The following FHIT variants were observed in gnomAD, a reference collection of about 807,000 sequenced individuals.
FHIT encodes fragile histidine triad diadenosine triphosphatase, also known as bis(5'-adenosyl)-triphosphatase.
In FHIT, 19 loss-of-function variants were observed where a neutral mutation model predicts 17.9. The observed-to-expected ratio is 1.06, with a 90% CI of 0.74 to 1.56. The LOEUF is 1.56. Ranked by LOEUF, FHIT falls within the 40% of genes most tolerant of loss-of-function variation. FHIT has a pLI of 0.00. For synonymous variants in FHIT, 81 were observed against 69.7 expected (o/e 1.16, Z -0.81); for missense variants, 248 against 189.2 (o/e 1.31, Z -1.82).
At chr3:60,847,106 G>A (rs1307740823) in intron 3 of FHIT, among the ~76,000 whole-genome samples, 2 of 152,210 alleles carry the variant, frequency 1.3e-5, no homozygotes, top group Non-Finnish European at 2.9e-5. Context: ...TTAAAGGCAT[G>A]AGCCAATGAG....
At chr3:60,560,149 G>T (rs184550946) in intron 4 of FHIT, among the ~76,000 whole-genome samples, 1 of 152,112 alleles carries the variant, frequency 6.6e-6, no homozygotes, top group East Asian at 1.9e-4. Flanking sequence ...TTCCATTTGG[G>T]GGCAATTTTC....
chr3:60,645,231 A>G (rs1240017772), intron 4 of FHIT, among the ~76,000 whole-genome samples: 2 of 152,082 alleles, frequency 1.3e-5, no homozygotes, highest in Non-Finnish European at 2.9e-5. Flanking sequence ...AAACACACAC[A>G]TCTCATGCCT....
intron 8 of FHIT, among the ~76,000 whole-genome samples, chr3:59,914,046 A>G (rs34226567): frequency 6.6e-6 from 1 of 152,258 alleles, no homozygotes; most frequent in East Asian, 1.9e-4. Context: ...AATCTAATGC[A>G]TGATACATAT....
At chr3:60,302,879 C>A (rs1357508648) in intron 5 of FHIT, among the ~76,000 whole-genome samples, 1 of 152,162 alleles carries the variant, frequency 6.6e-6, no homozygotes, top group Non-Finnish European at 1.5e-5. Context: ...GTATCTTAGA[C>A]AAGACTGCCT....
intron 4 of FHIT, among the ~76,000 whole-genome samples, chr3:60,747,186 A>C (rs534107269): frequency 5.9e-5 from 9 of 151,746 alleles, no homozygotes; most frequent in African/African-American, 2.2e-4. Flanking sequence ...CTCTGCACTG[A>C]ATGCCCTTCC....
intron 5 of FHIT, among the ~76,000 whole-genome samples, chr3:60,032,906 C>A (rs1215164700): frequency 6.6e-6 from 1 of 152,044 alleles, no homozygotes; most frequent in African/African-American, 2.4e-5. Flanking sequence ...TGGAGCCCAC[C>A]TTAGAGCTAA....
At chr3:60,793,614 G>T (rs781841691) in intron 4 of FHIT, among the ~76,000 whole-genome samples, 5 of 152,152 alleles carry the variant, frequency 3.3e-5, no homozygotes, top group Non-Finnish European at 7.4e-5. Context: ...AACAAGCGGG[G>T]GTTTCTTAAG....
intron 2 of FHIT, among the ~76,000 whole-genome samples, chr3:61,117,718 G>A (rs2036341081): frequency 6.6e-6 from 1 of 152,176 alleles, no homozygotes; most frequent in Non-Finnish European, 1.5e-5. Flanking sequence ...GACCTAGCTA[G>A]AGTAGATCAT....
At chr3:61,162,224 T>G (rs1350004441) in intron 2 of FHIT, among the ~76,000 whole-genome samples, 3 of 152,198 alleles carry the variant, frequency 2.0e-5, no homozygotes, top group African/African-American at 7.2e-5. Flanking sequence ...ACACCTCACC[T>G]TGGCAAACCA....
chr3:59,935,276 C>G (rs576717292), intron 7 of FHIT, among the ~76,000 whole-genome samples: 1 of 152,190 alleles, frequency 6.6e-6, no homozygotes, highest in Non-Finnish European at 1.5e-5. Flanking sequence ...TTGTGCTTCT[C>G]AGCTGTTGTT....
intron 5 of FHIT, among the ~76,000 whole-genome samples, chr3:60,217,040 T>C (rs576872283): frequency 6.6e-6 from 1 of 152,308 alleles, no homozygotes; most frequent in South Asian, 2.1e-4. Context: ...GCTACACAAA[T>C]ACTAGTTCAA....
chr3:60,531,353 A>G (rs2035775956), intron 5 of FHIT, among the ~76,000 whole-genome samples: 1 of 137,592 alleles, frequency 7.3e-6, no homozygotes, highest in South Asian at 2.2e-4. Context: ...ATCTAGGCTC[A>G]CTGCAAGCTC....
chr3:60,339,472 C>T (rs989580388), intron 5 of FHIT, among the ~76,000 whole-genome samples: 1 of 152,220 alleles, frequency 6.6e-6, no homozygotes, highest in Non-Finnish European at 1.5e-5. Context: ...TATGCTCACA[C>T]TTTGCTCAGC....
chr3:60,751,956 T>C (rs986590136), intron 4 of FHIT, among the ~76,000 whole-genome samples: 3 of 152,212 alleles, frequency 2.0e-5, no homozygotes, highest in Admixed American at 2.0e-4. Flanking sequence ...AAGATGTAGA[T>C]GTATATTTAT....
chr3:59,994,347 A>G (rs907789508), intron 7 of FHIT, among the ~76,000 whole-genome samples: 2 of 152,094 alleles, frequency 1.3e-5, no homozygotes, highest in African/African-American at 4.8e-5. Flanking sequence ...CTCTGTCAGC[A>G]ATACTCAATC....
At chr3:60,538,447 G>A (rs1455972534) in intron 4 of FHIT, among the ~76,000 whole-genome samples, 1 of 152,082 alleles carries the variant, frequency 6.6e-6, no homozygotes, top group African/African-American at 2.4e-5. Context: ...CTACTCTAAA[G>A]TTCATATGGA....
At chr3:60,801,844 G>A (rs928794177) in intron 4 of FHIT, among the ~76,000 whole-genome samples, 13 of 152,194 alleles carry the variant, frequency 8.5e-5, no homozygotes, top group African/African-American at 3.1e-4. Context: ...TAATATGTGT[G>A]TAGCACAAAG....
intron 5 of FHIT, among the ~76,000 whole-genome samples, chr3:60,132,806 T>G (rs902988545): frequency 1.3e-5 from 2 of 152,130 alleles, no homozygotes; most frequent in Non-Finnish European, 2.9e-5. Flanking sequence ...CAGAGAATAA[T>G]CCACCATAAT....
intron 4 of FHIT, among the ~76,000 whole-genome samples, chr3:60,801,826 G>A (rs1482213544): frequency 3.9e-5 from 6 of 152,304 alleles, no homozygotes; most frequent in African/African-American, 1.4e-4. Context: ...ACATACTGGT[G>A]ATGATCGTAA....
Sources: gnomAD v4.1 joint callset for allele counts (sites outside exome capture counted in the v4.1 genomes callset) on GRCh38, gnomAD v4.1.1 for gene constraint, MANE v1.5 for transcripts, NCBI Gene and HGNC (gene_info 2026-07-23, HGNC 2026-07-21) for gene names.